ADD3: variants seen among roughly 807,000 people sequenced by gnomAD.
ADD3 encodes adducin 3, also known as gamma-adducin.
A neutral mutation model predicts 80.2 loss-of-function variants in ADD3; 25 were observed. That is an observed-to-expected ratio of 0.31 (90% CI 0.23 to 0.44). ADD3 has a LOEUF of 0.44. ADD3 is among the 20% of genes least tolerant of loss of function. The pLI is 1.00. For synonymous variants in ADD3, 284 were observed against 289.6 expected, an observed-to-expected ratio of 0.98 and a Z score of 0.20; for missense variants, 829 against 847.5, an observed-to-expected ratio of 0.98 and a Z score of 0.27.
chr10:110,038,580 A>G (rs913867983), intron 1 of ADD3, among the ~76,000 whole-genome samples: 1 of 152,236 alleles, frequency 6.6e-6, no homozygotes, highest in African/African-American at 2.4e-5. Context: ...CCTGTCTACT[A>G]TAAAAGGACT....
At chr10:110,009,381 G>A (rs976224256) in intron 1 of ADD3, among the ~76,000 whole-genome samples, 1 of 152,096 alleles carries the variant, frequency 6.6e-6, no homozygotes, top group African/African-American at 2.4e-5. Context: ...TGCAGGGTAC[G>A]TTCCTAATTT....
intron 2 of ADD3, among the ~76,000 whole-genome samples, chr10:110,103,593 C>T (rs1323774586): frequency 1.3e-5 from 2 of 152,214 alleles, no homozygotes; most frequent in Non-Finnish European, 2.9e-5. Context: ...CACACTGTCA[C>T]TTCTGCCATA....
At position 110,135,145 on chromosome 10, in the gene ADD3, G is replaced by T. The variant is rs192993766; in HGVS notation, c.*1527G>T. The T allele has an allele frequency of 6.6e-6, 1 of 152,356 alleles. No individual in the cohort carries two copies. Among genetic ancestry groups the T allele is most frequent in the Non-Finnish European group, 1.5e-5 (1 of 68,024 alleles). 9.4% of individuals were successfully genotyped at this position (152,356 alleles called of 1,614,324 possible). ...GCTCTGTTTGTGTGCATATGATAAT[G>T]CAGAGTTGAGCCAGAGCCTGGAAAT... On this transcript the variant is annotated 3_prime_UTR_variant, in exon 15 of 15. Transcript: ENST00000356080.
At chr10:110,047,658 G>A (rs143758874) in intron 1 of ADD3, among the ~76,000 whole-genome samples, 26 of 152,208 alleles carry the variant, frequency 1.7e-4, no homozygotes, top group East Asian at 1.3e-3. Context: ...GCTACTTATC[G>A]TATGACTTAG....
intron 12 of ADD3, among the ~76,000 whole-genome samples, chr10:110,129,235 C>T (rs771510639): frequency 8.6e-5 from 13 of 151,622 alleles, no homozygotes; most frequent in African/African-American, 1.5e-4. Context: ...CGGCAACCTC[C>T]GCCTCCCGGG....
intron 1 of ADD3, among the ~76,000 whole-genome samples, chr10:110,097,382 TTGAC>T (rs1172046591): frequency 2.0e-5 from 3 of 152,200 alleles, no homozygotes; most frequent in South Asian, 2.1e-4. Flanking sequence ...ATATTTTCCT[TTGAC>T]TGTGTTGAGA....
At chr10:110,129,152 T>TTCTG (rs796205254) in intron 12 of ADD3, among the ~76,000 whole-genome samples, 2 of 144,000 alleles carry the variant, frequency 1.4e-5, no homozygotes, top group African/African-American at 5.3e-5. Context: ...CTTTCTTTCT[T>TTCTG]TTTTTTTTTT....
chr10:110,004,451 A>C (rs897014306), upstream of ADD3, among the ~76,000 whole-genome samples: 1 of 152,134 alleles, frequency 6.6e-6, no homozygotes, highest in Non-Finnish European at 1.5e-5. Flanking sequence ...TGAACCTGGC[A>C]GGCAGAGATT....
intron 1 of ADD3, among the ~76,000 whole-genome samples, chr10:110,034,037 C>CA (rs1319680360): frequency 6.6e-6 from 1 of 152,186 alleles, no homozygotes; most frequent in Non-Finnish European, 1.5e-5. Context: ...TGTTAAAACT[C>CA]AGTGTGTCTC....
At chr10:110,016,546 G>T (rs1262679019) in intron 1 of ADD3, 2 of 152,194 alleles carry the variant, frequency 1.3e-5, no homozygotes, top group Non-Finnish European at 2.9e-5. Context: ...GTTATTGATG[G>T]CTCCTGCAGA....
intron 1 of ADD3, among the ~76,000 whole-genome samples, chr10:110,099,764 T>C (rs1307116355): frequency 6.6e-6 from 1 of 152,266 alleles, no homozygotes; most frequent in Admixed American, 6.5e-5. Flanking sequence ...ATATACATGA[T>C]ACCTTGTTTC....
intron 1 of ADD3, among the ~76,000 whole-genome samples, chr10:110,090,312 C>T (rs762729600): frequency 1.3e-4 from 19 of 151,530 alleles, no homozygotes; most frequent in Admixed American, 2.0e-4. Flanking sequence ...CTTCACCTCC[C>T]GGGTTCAAGC....
intron 2 of ADD3, among the ~76,000 whole-genome samples, chr10:110,110,913 T>G (rs566727500): frequency 3.9e-5 from 6 of 152,050 alleles, no homozygotes; most frequent in African/African-American, 1.2e-4. Flanking sequence ...GAGAATCACT[T>G]GAACCCAGGA....
chr10:110,016,507 G>C (rs1853013514), intron 1 of ADD3: 1 of 152,202 alleles, frequency 6.6e-6, no homozygotes, highest in African/African-American at 2.4e-5. Context: ...ATTTTAATGA[G>C]AGCAGTCTTT....
At chr10:110,068,213 C>T (rs1844219201) in intron 1 of ADD3, among the ~76,000 whole-genome samples, 1 of 152,120 alleles carries the variant, frequency 6.6e-6, no homozygotes, top group South Asian at 2.1e-4. Context: ...TTTCCCGCTT[C>T]CACCGAGTTT....
chr10:110,012,027 A>G (rs1852400058), intron 1 of ADD3, among the ~76,000 whole-genome samples: 1 of 152,220 alleles, frequency 6.6e-6, no homozygotes, highest in Non-Finnish European at 1.5e-5. Flanking sequence ...AAAGTGTGTT[A>G]TCCCTTAGAT....
At chr10:110,038,309 C>T (rs1394783635) in intron 1 of ADD3, among the ~76,000 whole-genome samples, 1 of 152,202 alleles carries the variant, frequency 6.6e-6, no homozygotes, top group East Asian at 1.9e-4. Context: ...GGCCCCCATC[C>T]CCCAGAGCCT....
rs139790897 is a variant in ADD3 at position 110,069,369 on chromosome 10, G to A, written c.-29-31256G>A. Among the ~76,000 whole-genome samples the A allele has an allele frequency of 7.5e-3, 1,135 of 152,284 alleles. 5 individuals carry two copies. Among genetic ancestry groups the A allele is most frequent in the Non-Finnish European group, 0.012 (832 of 68,010 alleles). On this transcript the variant is annotated intron_variant, in intron 1 of 14. Coordinates refer to ENST00000356080, the MANE Select transcript of ADD3 (RefSeq NM_016824.5). ...CTCATCAATAGTAAGTTGATCAAAT[G>A]AGTGACCCAGTCTCAGCAATTTAAC...
At chr10:110,130,707 T>G (rs1237423328) in intron 13 of ADD3, among the ~76,000 whole-genome samples, 8 of 152,012 alleles carry the variant, frequency 5.3e-5, no homozygotes. Context: ...AATTAAAAAA[T>G]TAGCCGGGCA....
Sources: allele counts gnomAD v4.1 joint callset (sites outside exome capture counted in the v4.1 genomes callset), GRCh38; gene constraint gnomAD v4.1.1; transcripts MANE v1.5; gene names NCBI Gene and HGNC (gene_info 2026-07-23, HGNC 2026-07-21).